PLD5: variants seen among roughly 807,000 people sequenced by gnomAD.
PLD5 encodes the protein phospholipase D family member 5.
Under a neutral mutation model 61.1 loss-of-function variants are expected in PLD5, and 36 were observed. The ratio of observed to expected loss-of-function variants is 0.59; its 90% confidence interval spans 0.45 to 0.78. The LOEUF (loss-of-function observed/expected upper bound fraction) is 0.78, where lower values mean the gene tolerates loss of function less well. PLD5 is among the 30% of genes least tolerant of loss of function. PLD5 has a pLI of 0.00. For missense variants in PLD5, 515 were observed against 644.4 expected (o/e 0.80, Z 2.17); for synonymous variants, 243 against 242.8 (o/e 1.00, Z -0.01).
chr1:242,527,192 T>G (rs2103018179), upstream of PLD5, among the ~76,000 whole-genome samples: 1 of 140,604 alleles, frequency 7.1e-6, no homozygotes, highest in African/African-American at 2.7e-5. Flanking sequence ...GTGCGGTGGT[T>G]CCATCTCGGC....
At chr1:242,207,844 A>ATATT (rs1669470936) in intron 5 of PLD5, among the ~76,000 whole-genome samples, 4 of 22,078 alleles carry the variant, frequency 1.8e-4, no homozygotes, top group African/African-American at 6.9e-4. Flanking sequence ...TTATATATTT[A>ATATT]TATATATTTA....
At chr1:242,331,512 C>A (rs1659168875) in intron 2 of PLD5, among the ~76,000 whole-genome samples, 2 of 128,760 alleles carry the variant, frequency 1.6e-5, no homozygotes, top group South Asian at 5.4e-4. Context: ...AAAATAATTG[C>A]CCTCTGGAAG....
intron 5 of PLD5, among the ~76,000 whole-genome samples, chr1:242,211,893 C>G (rs939112691): frequency 5.3e-5 from 8 of 152,152 alleles, no homozygotes; most frequent in East Asian, 1.9e-4. Flanking sequence ...GCTAGTGGAG[C>G]CTATGTTTGG....
Position 242,338,813 on chromosome 1 carries a change from A to C in PLD5, c.326+9293T>G, listed in dbSNP as rs74152354. On this transcript the variant is annotated intron_variant, in intron 2 of 9. Coordinates refer to ENST00000536534, the MANE Select transcript of PLD5 (RefSeq NM_001372062.1). ...AATGGTGAAATGAAAATACTAATAC[A>C]TGCCATCTTATAGGAGAGTAGAGTT... is the stretch of plus-strand genomic sequence containing the variant. Among the ~76,000 whole-genome samples the C allele has an allele frequency of 3.9e-3, 598 of 152,346 alleles. 4 individuals carry two copies. Among genetic ancestry groups the C allele is most frequent in the African/African-American group, 0.014 (572 of 41,576 alleles).
At chr1:242,384,961 T>G (rs1320011027) in intron 1 of PLD5, among the ~76,000 whole-genome samples, 1 of 152,142 alleles carries the variant, frequency 6.6e-6, no homozygotes, top group Non-Finnish European at 1.5e-5. Flanking sequence ...GAATTCTGAG[T>G]CGGAGGAAGG....
chr1:242,134,632 G>C (rs191625018), intron 5 of PLD5, among the ~76,000 whole-genome samples: 1 of 152,182 alleles, frequency 6.6e-6, no homozygotes, highest in Non-Finnish European at 1.5e-5. Flanking sequence ...TCTTGCCCCA[G>C]AGAAATGTTT....
At chr1:242,145,051 A>G (rs950619565) in intron 5 of PLD5, among the ~76,000 whole-genome samples, 4 of 152,202 alleles carry the variant, frequency 2.6e-5, no homozygotes, top group African/African-American at 9.7e-5. Context: ...TAAAACTATT[A>G]TTAGCCCACA....
intron 1 of PLD5, among the ~76,000 whole-genome samples, chr1:242,475,846 C>A (rs1290017727): frequency 6.6e-6 from 1 of 152,022 alleles, no homozygotes; most frequent in Non-Finnish European, 1.5e-5. Flanking sequence ...AGAGGCACCC[C>A]CATGAGAAGA....
At chr1:242,359,885 C>T (rs955642681) in intron 1 of PLD5, among the ~76,000 whole-genome samples, 3 of 152,060 alleles carry the variant, frequency 2.0e-5, no homozygotes, top group African/African-American at 7.2e-5. Flanking sequence ...TTACATGCCT[C>T]ATATATTTTG....
chr1:242,399,878 G>C (rs1663823778), intron 1 of PLD5, among the ~76,000 whole-genome samples: 1 of 152,072 alleles, frequency 6.6e-6, no homozygotes, highest in African/African-American at 2.4e-5. Flanking sequence ...TGCTCCTTAT[G>C]AGATTCTAGG....
intron 3 of PLD5, among the ~76,000 whole-genome samples, chr1:242,279,887 T>C: frequency 6.6e-6 from 1 of 152,220 alleles, no homozygotes; most frequent in East Asian, 1.9e-4. Context: ...CTGTGTAGAA[T>C]TTTCTATCTT....
intron 4 of PLD5, among the ~76,000 whole-genome samples, chr1:242,244,733 C>T (rs1558391072): frequency 6.6e-6 from 1 of 152,230 alleles, no homozygotes; most frequent in Non-Finnish European, 1.5e-5. Flanking sequence ...AAGACCTCAA[C>T]TTCTCATGAT....
chr1:242,187,881 GC>G (rs760308851), intron 5 of PLD5, among the ~76,000 whole-genome samples: 2 of 152,170 alleles, frequency 1.3e-5, no homozygotes, highest in Non-Finnish European at 2.9e-5. Flanking sequence ...GGTGTACGGG[GC>G]CACAAAAGTT....
intron 1 of PLD5, among the ~76,000 whole-genome samples, chr1:242,476,562 C>G (rs1199963076): frequency 6.6e-6 from 1 of 152,088 alleles, no homozygotes; most frequent in Non-Finnish European, 1.5e-5. Flanking sequence ...ATGATCATTA[C>G]AAGAGATCAT....
rs71650696 is a variant in PLD5, at chr1:242,335,345, C to A, written c.326+12761G>T. 4.3e-3 allele frequency among the ~76,000 whole-genome samples: 658 copies of A among 152,148 alleles called. 4 individuals are homozygous for A. The highest frequency in any genetic ancestry group is 5.8e-3 in the Non-Finnish European group (395 of 67,974). ...TAGTGGCTGGTATATTATAGATACACAATAAGTGATAGCTGTCATAACACC... is the reference window on the plus strand; with the variant it reads ...TAGTGGCTGGTATATTATAGATACAAAATAAGTGATAGCTGTCATAACACC... On this transcript the variant is annotated intron_variant, in intron 2 of 9. Transcript: ENST00000536534.
At chr1:242,187,185 G>A (rs780986703) in intron 5 of PLD5, among the ~76,000 whole-genome samples, 1 of 152,174 alleles carries the variant, frequency 6.6e-6, no homozygotes, top group East Asian at 1.9e-4. Context: ...CCTCAATAGA[G>A]TCAAAGTCTC....
At chr1:242,157,947 G>A (rs758172700) in intron 5 of PLD5, among the ~76,000 whole-genome samples, 4 of 152,180 alleles carry the variant, frequency 2.6e-5, no homozygotes, top group Non-Finnish European at 5.9e-5. Context: ...CCTGTCCCAG[G>A]GGAGTTTTAT....
At chr1:242,140,729 G>T (rs973726170) in intron 5 of PLD5, among the ~76,000 whole-genome samples, 3 of 143,960 alleles carry the variant, frequency 2.1e-5, no homozygotes, top group Non-Finnish European at 4.5e-5. Context: ...AGTTTCTGTT[G>T]CTACATCGTT....
At chr1:242,437,161 A>T (rs1188214442) in intron 1 of PLD5, among the ~76,000 whole-genome samples, 1 of 152,180 alleles carries the variant, frequency 6.6e-6, no homozygotes, top group Non-Finnish European at 1.5e-5. Flanking sequence ...TTCTGTGCTT[A>T]AAAATAGCAC....
Sources: allele counts gnomAD v4.1 joint callset (sites outside exome capture counted in the v4.1 genomes callset), GRCh38; gene constraint gnomAD v4.1.1; transcripts MANE v1.5; gene names NCBI Gene and HGNC (gene_info 2026-07-23, HGNC 2026-07-21).